Variants in PRRC2C observed in about 807,000 individuals in gnomAD.
PRRC2C encodes protein PRRC2C.
PRRC2C carries 72 observed loss-of-function variants against 317.2 expected under a neutral mutation model. The observed-to-expected ratio is 0.23, with a 90% confidence interval of 0.19 to 0.28. PRRC2C has a LOEUF of 0.28. PRRC2C is among the 10% of genes least tolerant of loss of function. The pLI is 1.00. For missense variants in PRRC2C, 3,074 were observed against 3,459.7 expected, an observed-to-expected ratio of 0.89 and a Z score of 2.80; for synonymous variants, 1,296 against 1,205.9, an observed-to-expected ratio of 1.07 and a Z score of -1.55.
At chr1:171,556,583 A>G (rs778580480) in intron 18 of PRRC2C, among the ~76,000 whole-genome samples, 4 of 152,216 alleles carry the variant, frequency 2.6e-5, no homozygotes, top group African/African-American at 4.8e-5. Flanking sequence ...CCTCAAGACC[A>G]TCTTTACTTT....
chr1:171,550,844 C>T (rs1185013672), intron 18 of PRRC2C, among the ~76,000 whole-genome samples: 3 of 152,166 alleles, frequency 2.0e-5, no homozygotes, highest in Non-Finnish European at 4.4e-5. Flanking sequence ...ATATGTGCCA[C>T]ATTTTCTTAA....
chr1:171,562,641 T>C (rs1682915388), intron 20 of PRRC2C, among the ~76,000 whole-genome samples: 1 of 152,152 alleles, frequency 6.6e-6, no homozygotes, highest in Admixed American at 6.6e-5. Flanking sequence ...CTCCAAAGTT[T>C]TTGGGTTGAA....
intron 20 of PRRC2C, among the ~76,000 whole-genome samples, chr1:171,565,496 G>A (rs1683476239): frequency 6.6e-6 from 1 of 152,206 alleles, no homozygotes; most frequent in South Asian, 2.1e-4. Flanking sequence ...CACCCAGGCT[G>A]GAGTGCAGTG....
Position 171,513,132 on chromosome 1 carries a change from A to C in PRRC2C, c.250A>C (p.Thr84Pro). ...PNVNIVPKDG[T>P]GWASKQEQHE... ...TGTAAACATTGTACCTAAAGATGGC[A>C]CAGGGTGGGCATCAAAACAAGAGCA... Residue 84 changes from threonine to proline, a missense_variant, in exon 3 of 35, where the codon ACA (threonine) becomes CCA (proline). Transcript: ENST00000647382. 1 of 1,613,454 alleles carries C rather than the reference A, an allele frequency of 6.2e-7. No individual in the cohort carries two copies. Among genetic ancestry groups the C allele is most frequent in the South Asian group, 1.1e-5 (1 of 90,982 alleles).
rs376112260 is a variant in PRRC2C, at chr1:171,523,573, A to G, written c.1055+51A>G. 7.9e-6 allele frequency: 11 copies of G among 1,388,748 alleles called. No individual in the cohort carries two copies. In the African/African-American group the frequency reaches 1.4e-4, roughly 18 times the overall value. The allele number at this position is 1,388,748 out of a possible 1,614,324, so 86.0% of individuals were successfully genotyped here. A position where few individuals can be genotyped will look rare whatever the true frequency, so the allele number is the denominator to read the frequency against. ...AACAGTATGAATTTGTTGATACAAT[A>G]TTAGCTACTTATGCAAAGAAGCTTT... is the stretch of plus-strand genomic sequence containing the variant. On this transcript the variant is annotated intron_variant, in intron 9 of 34. Transcript: ENST00000647382.
chr1:171,526,998 A>G (rs1020974175), intron 10 of PRRC2C, among the ~76,000 whole-genome samples: 1 of 150,168 alleles, frequency 6.7e-6, no homozygotes, highest in African/African-American at 2.5e-5. Flanking sequence ...TAGTAGAGAC[A>G]GGTTTCGCCA....
intron 18 of PRRC2C, among the ~76,000 whole-genome samples, chr1:171,555,512 G>A (rs979707419): frequency 2.6e-5 from 4 of 152,180 alleles, no homozygotes; most frequent in South Asian, 2.1e-4. Context: ...CGTTGCTGGC[G>A]AGGAGCTGTG....
chr1:171,562,255 A>G (rs1249351072), intron 20 of PRRC2C, among the ~76,000 whole-genome samples: 1 of 152,204 alleles, frequency 6.6e-6, no homozygotes, highest in Admixed American at 6.5e-5. Flanking sequence ...TGTTTGAGGA[A>G]GTTCAGGGAA....
chr1:171,561,883 C>T (rs543368316), intron 20 of PRRC2C, among the ~76,000 whole-genome samples: 1 of 152,244 alleles, frequency 6.6e-6, no homozygotes, highest in South Asian at 2.1e-4. Context: ...TGAACATTTA[C>T]TAAGCACTCA....
Position 171,545,481 on chromosome 1 carries a change from C to T in PRRC2C, c.4766C>T (p.Pro1589Leu). Residue 1589 changes from proline (P) to leucine (L), a missense_variant and splice_region_variant, in exon 17 of 35, where the codon CCA (proline) becomes CTA (leucine). Transcript: ENST00000647382. Reference sequence around the variant, plus strand: ...TATCTCAAGTTATTTTTTTGTAGGCCATTTGATGACCAGCCTGCAGGCACA... The same window carrying T: ...TATCTCAAGTTATTTTTTTGTAGGCTATTTGATGACCAGCCTGCAGGCACA... ...GPPSKSGKRG[P>L]FDDQPAGTTG... The T allele has an allele frequency of 6.4e-7, 1 of 1,556,808 alleles. No homozygotes were observed. The highest frequency in any genetic ancestry group is 2.0e-5 in the Admixed American group (1 of 51,194).
intron 6 of PRRC2C, among the ~76,000 whole-genome samples, chr1:171,520,715 T>C (rs1052230679): frequency 7.3e-5 from 11 of 150,932 alleles, no homozygotes; most frequent in Non-Finnish European, 1.3e-4. Context: ...AGAGTATCCC[T>C]CAAAGTTTCC....
chr1:171,555,696 G>A (rs1291609527), intron 18 of PRRC2C, among the ~76,000 whole-genome samples: 1 of 152,184 alleles, frequency 6.6e-6, no homozygotes, highest in Non-Finnish European at 1.5e-5. Context: ...CTTTCTGTTT[G>A]TTAGTTTTCC....
intron 2 of PRRC2C, 52 bp downstream of exon 2, chr1:171,512,252 T>C: frequency 8.2e-7 from 1 of 1,222,768 alleles, no homozygotes; most frequent in Non-Finnish European, 1.2e-6. Context: ...TTTGTTACTA[T>C]AAGTGATACA....
rs763355122 is a variant in PRRC2C at position 171,577,633 on chromosome 1, A to C, written c.7155A>C (p.Ala2385=). ...CGCAAGTTTATGTGTCTCAGTCTGC[A>C]GCAGGTAATGTTTTTAGGCTTGAAT... ...QNPQVYVSQS[A]AAQIPAFYMD... is the part of the protein sequence containing the mutation. The change falls in exon 26 of 35, where the codon GCA becomes GCC. Residue 2385 remains alanine (A), a synonymous_variant. Transcript: ENST00000647382. 6.2e-7 allele frequency: 1 copy of C among 1,611,482 alleles called. No homozygotes were observed.
intron 1 of PRRC2C, among the ~76,000 whole-genome samples, chr1:171,488,468 A>G (rs921824900): frequency 6.6e-6 from 1 of 152,204 alleles, no homozygotes; most frequent in African/African-American, 2.4e-5. Context: ...TTTGTGGATA[A>G]AAGCGTTCTA....
intron 24 of PRRC2C, among the ~76,000 whole-genome samples, chr1:171,573,710 G>A (rs1033957747): frequency 9.2e-6 from 1 of 108,868 alleles, no homozygotes; most frequent in South Asian, 2.9e-4. Context: ...TTGGAGCCTC[G>A]TTCTGTCGCC....
intron 30 of PRRC2C, 132 bp downstream of exon 30, chr1:171,584,658 C>A: frequency 9.3e-7 from 1 of 1,070,404 alleles, no homozygotes; most frequent in Non-Finnish European, 1.3e-6. Flanking sequence ...ACTGAGATGT[C>A]CTGAAGAATT....
At position 171,540,426 on chromosome 1, in the gene PRRC2C, A is replaced by T; in HGVS notation, c.2960A>T (p.Tyr987Phe). Residue 987 changes from tyrosine to phenylalanine, a missense_variant, in exon 16 of 35, where the codon TAT becomes TTT. Transcript: ENST00000647382. ...SSEGPKPEKVYKSKSETRWGP... is the reference protein window; with the variant it reads ...SSEGPKPEKVFKSKSETRWGP... ...GAAGGACCAAAACCTGAAAAAGTAT[A>T]TAAATCTAAATCAGAAACTCGTTGG... The T allele has an allele frequency of 6.2e-7, 1 of 1,612,994 alleles. No homozygotes were observed. Among genetic ancestry groups the T allele is most frequent in the Non-Finnish European group, 8.5e-7 (1 of 1,179,466 alleles).
At chr1:171,533,831 C>T (rs1426039279) in intron 12 of PRRC2C, among the ~76,000 whole-genome samples, 3 of 152,190 alleles carry the variant, frequency 2.0e-5, no homozygotes, top group African/African-American at 7.2e-5. Flanking sequence ...ACTATGTTGG[C>T]TAGCATAGCC....
Sources: gnomAD v4.1 joint callset for allele counts (sites outside exome capture counted in the v4.1 genomes callset) on GRCh38, gnomAD v4.1.1 for gene constraint, MANE v1.5 for transcripts, NCBI Gene and HGNC (gene_info 2026-07-23, HGNC 2026-07-21) for gene names.